Variants in NPFFR2 observed in about 807,000 individuals in gnomAD.
NPFFR2 encodes neuropeptide FF receptor 2.
A neutral mutation model predicts 13.1 loss-of-function variants in NPFFR2; 15 were observed. That is an observed-to-expected ratio of 1.15 (90% CI 0.77 to 1.76). NPFFR2 has a LOEUF of 1.76. Among genes scored for constraint, NPFFR2 ranks in the 40% most tolerant of loss-of-function variants. The pLI is 0.00. For missense variants in NPFFR2, 572 were observed against 503.5 expected, an observed-to-expected ratio of 1.14 and a Z score of -1.30; for synonymous variants, 190 against 175.7, an observed-to-expected ratio of 1.08 and a Z score of -0.65.
intron 1 of NPFFR2, among the ~76,000 whole-genome samples, chr4:72,061,724 G>A (rs977268138): frequency 6.6e-6 from 1 of 152,104 alleles, no homozygotes; most frequent in African/African-American, 2.4e-5. Context: ...ATAAGTAGGA[G>A]TTGAACAATG....
rs2109748784 is a variant in NPFFR2, at chr4:72,032,012, G to T, written c.-196G>T. 2 of 1,613,878 alleles carry T rather than the reference G, an allele frequency of 1.2e-6. No individual in the cohort carries two copies. The highest frequency in any genetic ancestry group is 4.5e-5 in the East Asian group (2 of 44,876). On this transcript the variant is annotated 5_prime_UTR_variant, in exon 1 of 4. Transcript: ENST00000308744. ...GGGAGCGCAGAGCACTCAGCGTCCA[G>T]CAGCGCGGCGGGCCAGCCTGGAGCG... is the stretch of plus-strand genomic sequence containing the variant.
intron 1 of NPFFR2, among the ~76,000 whole-genome samples, chr4:72,088,497 A>T (rs1173152482): frequency 1.3e-5 from 2 of 152,138 alleles, no homozygotes; most frequent in Non-Finnish European, 2.9e-5. Context: ...ATATGAAGGC[A>T]TACATACTTC....
At chr4:72,076,011 AGAGAGAGAGG>A (rs1206755493) in intron 1 of NPFFR2, among the ~76,000 whole-genome samples, 89 of 8,232 alleles carry the variant, frequency 0.011, 1 homozygote, top group African/African-American at 0.021. Context: ...ACACACAGAG[AGAGAGAGAGG>A]GCAGACAGCA....
chr4:72,079,244 T>C (rs1720532808), intron 1 of NPFFR2, among the ~76,000 whole-genome samples: 1 of 152,070 alleles, frequency 6.6e-6, no homozygotes, highest in Non-Finnish European at 1.5e-5. Context: ...TCTATAGTTA[T>C]CTCAAAATAA....
At chr4:72,036,167 T>A (rs1719033942) in intron 1 of NPFFR2, among the ~76,000 whole-genome samples, 1 of 152,154 alleles carries the variant, frequency 6.6e-6, no homozygotes, top group Admixed American at 6.6e-5. Flanking sequence ...TTTCGGTGGA[T>A]AAAGAAACTG....
Position 72,140,573 on chromosome 4 carries a change from A to G in NPFFR2, c.428+2434A>G, listed in dbSNP as rs375914930. On this transcript the variant is annotated intron_variant, in intron 3 of 3. Coordinates refer to ENST00000308744, the MANE Select transcript of NPFFR2 (RefSeq NM_004885.3). ...TGATGGCTTACATTTATTGATTTGCATATGTTGAACCAGCCTTGCATCACA... is the reference window on the plus strand; with the variant it reads ...TGATGGCTTACATTTATTGATTTGCGTATGTTGAACCAGCCTTGCATCACA... Among the ~76,000 whole-genome samples, 6 of 152,236 alleles carry G rather than the reference A, an allele frequency of 3.9e-5. No homozygotes were observed. In the East Asian group the frequency reaches 1.2e-3, roughly 29 times the overall value.
intron 1 of NPFFR2, among the ~76,000 whole-genome samples, chr4:72,125,824 A>G (rs1198536387): frequency 6.6e-6 from 1 of 152,206 alleles, no homozygotes; most frequent in Non-Finnish European, 1.5e-5. Context: ...TCCTATTTTA[A>G]TATAAGCTAA....
At chr4:72,054,343 A>G (rs2109768474) in intron 1 of NPFFR2, among the ~76,000 whole-genome samples, 1 of 152,042 alleles carries the variant, frequency 6.6e-6, no homozygotes, top group Middle Eastern at 3.4e-3. Context: ...TATGTGGCCA[A>G]TTTATTTTAG....
At chr4:72,077,013 C>T (rs944514124) in intron 1 of NPFFR2, among the ~76,000 whole-genome samples, 1 of 152,012 alleles carries the variant, frequency 6.6e-6, no homozygotes, top group Non-Finnish European at 1.5e-5. Context: ...TTAATTTTAT[C>T]TTATTCTTAT....
intron 1 of NPFFR2, among the ~76,000 whole-genome samples, chr4:72,075,784 G>T (rs1720408439): frequency 6.6e-6 from 1 of 152,044 alleles, no homozygotes; most frequent in African/African-American, 2.4e-5. Context: ...GGAATGGGGA[G>T]TAATTGTTTA....
At chr4:72,061,637 C>T (rs1719922615) in intron 1 of NPFFR2, among the ~76,000 whole-genome samples, 1 of 152,052 alleles carries the variant, frequency 6.6e-6, no homozygotes, top group Admixed American at 6.6e-5. Context: ...TTTGCAGGAA[C>T]ATGGGTAAAG....
intron 1 of NPFFR2, among the ~76,000 whole-genome samples, chr4:72,090,275 CT>C (rs777744655): frequency 1.3e-5 from 2 of 152,002 alleles, no homozygotes; most frequent in Non-Finnish European, 2.9e-5. Flanking sequence ...CAGATTTATT[CT>C]TTTTGCTTCA....
chr4:72,113,144 T>G (rs1721613034), intron 1 of NPFFR2, among the ~76,000 whole-genome samples: 1 of 152,242 alleles, frequency 6.6e-6, no homozygotes, highest in East Asian at 1.9e-4. Flanking sequence ...TGGCCTTGTT[T>G]ATGCTACTTT....
At chr4:72,111,048 A>G (rs1721552739) in intron 1 of NPFFR2, among the ~76,000 whole-genome samples, 1 of 151,994 alleles carries the variant, frequency 6.6e-6, no homozygotes, top group African/African-American at 2.4e-5. Context: ...GTTTCAAAAA[A>G]TGTCTCTAGT....
chr4:72,093,129 G>A (rs926769454), intron 1 of NPFFR2, among the ~76,000 whole-genome samples: 1 of 152,096 alleles, frequency 6.6e-6, no homozygotes, highest in African/African-American at 2.4e-5. Context: ...GCTGAAAATT[G>A]TTTTGTTTAA....
Position 72,032,031 on chromosome 4 carries a change from T to G in NPFFR2, c.-177T>G, listed in dbSNP as rs1332815488. 1.9e-6 allele frequency: 3 copies of G among 1,613,920 alleles called. No homozygotes were observed. The highest frequency in any genetic ancestry group is 2.5e-6 in the Non-Finnish European group (3 of 1,179,974). On this transcript the variant is annotated 5_prime_UTR_variant, in exon 1 of 4. Coordinates refer to ENST00000308744, the MANE Select transcript of NPFFR2 (RefSeq NM_004885.3). ...CGTCCAGCAGCGCGGCGGGCCAGCC[T>G]GGAGCGGAAGCCTGGAGTGGAGCAG...
chr4:72,070,407 T>A (rs1720209036), intron 1 of NPFFR2, among the ~76,000 whole-genome samples: 1 of 152,066 alleles, frequency 6.6e-6, no homozygotes, highest in Admixed American at 6.6e-5. Flanking sequence ...AACACACAGT[T>A]TTTAAAGGAA....
intron 3 of NPFFR2, among the ~76,000 whole-genome samples, chr4:72,141,023 T>C (rs1046305826): frequency 1.1e-4 from 16 of 152,128 alleles, no homozygotes; most frequent in African/African-American, 3.9e-4. Flanking sequence ...TCCATTTCTT[T>C]TAGATTTTCT....
intron 1 of NPFFR2, among the ~76,000 whole-genome samples, chr4:72,087,345 C>T (rs1720798933): frequency 6.6e-6 from 1 of 152,058 alleles, no homozygotes; most frequent in African/African-American, 2.4e-5. Context: ...AATCCAAACA[C>T]AACATATAAA....
Sources: allele counts gnomAD v4.1 joint callset (sites outside exome capture counted in the v4.1 genomes callset), GRCh38; gene constraint gnomAD v4.1.1; transcripts MANE v1.5; gene names NCBI Gene and HGNC (gene_info 2026-07-23, HGNC 2026-07-21).